Variants in S100Z observed in about 807,000 individuals in gnomAD.
S100Z encodes protein S100-Z.
Under a neutral mutation model 8.5 loss-of-function variants are expected in S100Z, and 11 were observed. The ratio of observed to expected loss-of-function variants is 1.30; its 90% CI spans 0.82 to 2.15. The LOEUF is 2.15. Among genes scored for constraint, S100Z ranks in the 30% most tolerant of loss-of-function variants. S100Z has a pLI of 0.00. For synonymous variants in S100Z, 34 were observed against 43.8 expected, an observed-to-expected ratio of 0.78 and a Z score of 0.89; for missense variants, 126 against 117.9, an observed-to-expected ratio of 1.07 and a Z score of -0.32.
intron 4 of S100Z, among the ~76,000 whole-genome samples, chr5:76,902,008 G>C (rs770838580): frequency 6.6e-6 from 1 of 152,072 alleles, no homozygotes; most frequent in Non-Finnish European, 1.5e-5. Flanking sequence ...ATGTCATCTT[G>C]GAGCCTGGGT....
chr5:76,945,234 C>A, the S100Z span, among the ~76,000 whole-genome samples: 1 of 152,194 alleles, frequency 6.6e-6, no homozygotes, highest in Non-Finnish European at 1.5e-5. Flanking sequence ...ACCAGGGGCA[C>A]AATGCACTGC....
In S100Z at chr5:76,921,482, T is replaced by C. The variant is rs1745033938; in HGVS notation, c.*768T>C. On this transcript the variant is annotated 3_prime_UTR_variant, in exon 5 of 5. Coordinates refer to ENST00000317593, the MANE Select transcript of S100Z (RefSeq NM_130772.4). The stretch of plus-strand genomic sequence containing the variant: ...CTAGGCACGATTTTCTATTCTTCTT[T>C]CCTTCCTTTCTTTGTGAGAGTTAAC... The C allele has an allele frequency of 6.6e-6, 1 of 152,232 alleles. No homozygotes were observed. Among genetic ancestry groups the C allele is most frequent in the Non-Finnish European group, 1.5e-5 (1 of 68,036 alleles). The allele number at this position is 152,232 out of a possible 1,614,324, so 9.4% of individuals were successfully genotyped here. A position where few individuals can be genotyped will look rare whatever the true frequency, so the allele number is the denominator to read the frequency against.
chr5:76,937,766 A>AAAAAAAT, the S100Z span, among the ~76,000 whole-genome samples: 1 of 150,574 alleles, frequency 6.6e-6, no homozygotes, highest in Non-Finnish European at 1.5e-5. Flanking sequence ...AAAAAAAAAA[A>AAAAAAAT]AAAAGGAGGC....
intron 1 of S100Z, among the ~76,000 whole-genome samples, chr5:76,863,039 C>T (rs1188340456): frequency 2.0e-5 from 3 of 152,202 alleles, no homozygotes; most frequent in Non-Finnish European, 4.4e-5. Flanking sequence ...ACAGTCAAGA[C>T]CTTCTATCTG....
chr5:76,914,503 T>C (rs1055141762), intron 4 of S100Z, among the ~76,000 whole-genome samples: 4 of 152,036 alleles, frequency 2.6e-5, no homozygotes, highest in Non-Finnish European at 5.9e-5. Flanking sequence ...GGCAACCCGC[T>C]CAGGTCCCCT....
At chr5:76,937,712 A>G in the S100Z span, among the ~76,000 whole-genome samples, 1 of 141,202 alleles carries the variant, frequency 7.1e-6, no homozygotes, top group Non-Finnish European at 1.5e-5. Flanking sequence ...ATGATTGCGC[A>G]ACTGCACTCC....
At chr5:76,915,501 C>T (rs1230372404) in intron 4 of S100Z, among the ~76,000 whole-genome samples, 11 of 151,082 alleles carry the variant, frequency 7.3e-5, no homozygotes, top group East Asian at 5.9e-4. Flanking sequence ...CTGGCTACTC[C>T]GGAGGCTAAG....
intron 1 of S100Z, among the ~76,000 whole-genome samples, chr5:76,853,485 C>A (rs1032792670): frequency 6.6e-6 from 1 of 152,150 alleles, no homozygotes; most frequent in African/African-American, 2.4e-5. Context: ...TGTATCCCCA[C>A]CAAATCTCAT....
rs550711570 is a variant in S100Z, at chr5:76,895,919, C to T, written c.*2+18085C>T. Among the ~76,000 whole-genome samples the T allele has an allele frequency of 2.4e-4, 36 of 151,812 alleles. 1 individual carries two copies. Among genetic ancestry groups the T allele is most frequent in the Admixed American group, 2.0e-3 (31 of 15,234 alleles). On this transcript the variant is annotated intron_variant, in intron 4 of 4. Coordinates refer to ENST00000317593, the MANE Select transcript of S100Z (RefSeq NM_130772.4). ...CTGGGATTACAGGCACCCACCACCA[C>T]GCCTGGCTAATTTTTGTATTTTTAG...
At chr5:76,858,589 T>C (rs1289295870) in intron 1 of S100Z, among the ~76,000 whole-genome samples, 1 of 151,976 alleles carries the variant, frequency 6.6e-6, no homozygotes, top group Non-Finnish European at 1.5e-5. Flanking sequence ...CCATCATCCA[T>C]TGTCCTGCCT....
At chr5:76,884,183 T>C (rs973473881) in intron 4 of S100Z, among the ~76,000 whole-genome samples, 1 of 152,196 alleles carries the variant, frequency 6.6e-6, no homozygotes, top group Non-Finnish European at 1.5e-5. Flanking sequence ...TGTCTCAGGG[T>C]TGCTGCTAAG....
the S100Z span, among the ~76,000 whole-genome samples, chr5:76,944,428 A>C: frequency 1.3e-5 from 2 of 152,200 alleles, no homozygotes; most frequent in Non-Finnish European, 2.9e-5. Flanking sequence ...AAACAGACAT[A>C]TTAAAAGTTA....
At chr5:76,876,282 A>AT (rs1245980646) in intron 3 of S100Z, among the ~76,000 whole-genome samples, 3 of 152,020 alleles carry the variant, frequency 2.0e-5, no homozygotes, top group Non-Finnish European at 4.4e-5. Context: ...TCTATAAAGT[A>AT]TTTTTTAACT....
At position 76,875,375 on chromosome 5, in the gene S100Z, G is replaced by C. The variant is rs375372172; in HGVS notation, c.16G>C (p.Glu6Gln). MPTQL[E>Q]MAMDTMIRIF... ...TGCTGCCGACATGCCCACCCAGCTC[G>C]AGATGGCCATGGACACCATGATTAG... is the stretch of plus-strand genomic sequence containing the variant. Residue 6 changes from glutamate (E) to glutamine (Q), a missense_variant, in exon 3 of 5, where the codon GAG becomes CAG. Coordinates refer to ENST00000317593, the MANE Select transcript of S100Z (RefSeq NM_130772.4). The C allele has an allele frequency of 8.1e-6, 13 of 1,611,814 alleles. No homozygotes were observed. The highest frequency in any genetic ancestry group is 5.1e-6 in the Non-Finnish European group (6 of 1,178,944).
Position 76,870,193 on chromosome 5 carries a change from G to A in S100Z, c.-148G>A, listed in dbSNP as rs6453259. ...TAATTTCACAAGCCCCTGACTCTGT[G>A]TAGACACCCAGCTCTCCAGAAAAAT... On this transcript the variant is annotated 5_prime_UTR_variant, in exon 2 of 5. Coordinates refer to ENST00000317593, the MANE Select transcript of S100Z (RefSeq NM_130772.4). 0.45 allele frequency: 68,576 copies of A among 151,794 alleles called. 15,947 individuals carry two copies. The highest frequency in any genetic ancestry group is 0.67 in the East Asian group (3,437 of 5,162). The allele number at this position is 151,794 out of a possible 1,614,324, so 9.4% of individuals were successfully genotyped here.
the S100Z span, among the ~76,000 whole-genome samples, chr5:76,939,715 G>A: frequency 2.6e-5 from 4 of 151,266 alleles, no homozygotes; most frequent in South Asian, 8.4e-4. Context: ...GTTACACAAT[G>A]TTGGCTAGGC....
At chr5:76,884,001 C>T (rs1743503639) in intron 4 of S100Z, among the ~76,000 whole-genome samples, 2 of 127,162 alleles carry the variant, frequency 1.6e-5, no homozygotes, top group South Asian at 4.5e-4. Flanking sequence ...GCTGCCTCTA[C>T]TCTATTATTG....
At chr5:76,852,490 T>C (rs1414653623) in intron 1 of S100Z, among the ~76,000 whole-genome samples, 1 of 152,038 alleles carries the variant, frequency 6.6e-6, no homozygotes, top group African/African-American at 2.4e-5. Context: ...GTGGGTGGAT[T>C]GCTTGAGGCC....
downstream of S100Z, among the ~76,000 whole-genome samples, chr5:76,923,498 GCCCAGTGCTATGCCAC>G (rs1745082854): frequency 6.6e-6 from 1 of 152,132 alleles, no homozygotes; most frequent in African/African-American, 2.4e-5. Flanking sequence ...AGTATAGTGG[GCCCAGTGCTATGCCAC>G]CCCAATGGGG....
Sources: allele counts gnomAD v4.1 joint callset (sites outside exome capture counted in the v4.1 genomes callset), GRCh38; gene constraint gnomAD v4.1.1; transcripts MANE v1.5; gene names NCBI Gene and HGNC (gene_info 2026-07-23, HGNC 2026-07-21).